COL5A2: variants seen among roughly 807,000 people sequenced by gnomAD.
The protein encoded by COL5A2 is collagen type V alpha 2 chain.
COL5A2 carries 23 observed loss-of-function variants against 208.2 expected under a neutral mutation model. The ratio of observed to expected loss-of-function variants is 0.11; its 90% CI spans 0.08 to 0.16. COL5A2 has a LOEUF of 0.16. COL5A2 is among the 10% of genes least tolerant of loss of function. COL5A2 has a pLI of 1.00. For synonymous variants in COL5A2, 625 were observed against 628.5 expected (o/e 0.99, Z 0.08); for missense variants, 1,590 against 1,956.4 (o/e 0.81, Z 3.53).
chr2:189,253,013 T>C, the COL5A2 span, among the ~76,000 whole-genome samples: 20 of 152,130 alleles, frequency 1.3e-4, 1 homozygote, highest in Middle Eastern at 0.017. Context: ...AACCAAGAAG[T>C]GTTATGATCA....
chr2:189,061,622 T>C lies in COL5A2; in HGVS notation c.1978-7A>G, dbSNP rs1304635335. Reference sequence around the variant, plus strand: ...CTCTTTCACCAGCTAGACCCTAAGTTGTGAAGGAGAAAATAATTGTGAATA... The same window carrying C: ...CTCTTTCACCAGCTAGACCCTAAGTCGTGAAGGAGAAAATAATTGTGAATA... On this transcript the variant is annotated splice_region_variant and splice_polypyrimidine_tract_variant and intron_variant, in intron 29 of 53. Coordinates refer to ENST00000374866, the MANE Select transcript of COL5A2 (RefSeq NM_000393.5). The C allele has an allele frequency of 1.9e-6, 3 of 1,610,480 alleles. No homozygotes were observed. Among genetic ancestry groups the C allele is most frequent in the Non-Finnish European group, 2.5e-6 (3 of 1,176,848 alleles).
chr2:189,299,721 G>A, the COL5A2 span, among the ~76,000 whole-genome samples: 1 of 152,122 alleles, frequency 6.6e-6, no homozygotes, highest in Admixed American at 6.6e-5. Context: ...TGTTGGAGGA[G>A]AACAATCGAT....
At chr2:189,324,609 CA>C in the COL5A2 span, among the ~76,000 whole-genome samples, 129,846 of 152,128 alleles carry the variant, frequency 0.85, 56,583 homozygotes, top group Non-Finnish European at 0.95. Flanking sequence ...ATCTAAACCA[CA>C]AATGAGATAT....
chr2:189,078,355 T>C lies in COL5A2; in HGVS notation c.1059+161A>G, dbSNP rs78633171. ...TTCAAGAATTCTCTGTACTTTCTTTTCAACTTTTCTGTAAACCTGACTTTA... is the reference window on the plus strand; with the variant it reads ...TTCAAGAATTCTCTGTACTTTCTTTCCAACTTTTCTGTAAACCTGACTTTA... On this transcript the variant is annotated intron_variant, in intron 16 of 53. Transcript: ENST00000374866. 1.4e-3 allele frequency among the ~76,000 whole-genome samples: 214 copies of C among 150,938 alleles called. 1 individual carries two copies. The highest frequency in any genetic ancestry group is 5.0e-3 in the African/African-American group (206 of 40,976).
intron 1 of COL5A2, among the ~76,000 whole-genome samples, chr2:189,136,816 G>A (rs1687836582): frequency 6.6e-6 from 1 of 151,950 alleles, no homozygotes; most frequent in Non-Finnish European, 1.5e-5. Context: ...CTTGCCACAA[G>A]TACATTGTCT....
chr2:189,279,002 A>T, the COL5A2 span, among the ~76,000 whole-genome samples: 129,813 of 151,878 alleles, frequency 0.85, 56,584 homozygotes, highest in Non-Finnish European at 0.95. Context: ...TTAAATTACT[A>T]TTATCTGTTT....
the COL5A2 span, among the ~76,000 whole-genome samples, chr2:189,238,636 G>C: frequency 6.6e-6 from 1 of 152,088 alleles, no homozygotes; most frequent in Non-Finnish European, 1.5e-5. Context: ...GGAAGCCTCA[G>C]GAAACTTACA....
chr2:189,375,630 T>G, the COL5A2 span, among the ~76,000 whole-genome samples: 1 of 152,212 alleles, frequency 6.6e-6, no homozygotes, highest in Non-Finnish European at 1.5e-5. Flanking sequence ...ATTATCTATC[T>G]TTAGAGTACA....
At position 189,085,169 on chromosome 2, in the gene COL5A2, A is replaced by G; in HGVS notation, c.789T>C (p.Pro263=). 6.2e-7 allele frequency: 1 copy of G among 1,612,256 alleles called. No homozygotes were observed. The highest frequency in any genetic ancestry group is 8.5e-7 in the Non-Finnish European group (1 of 1,178,952). ...SRGPEGPPGK[P]GEDGEPGRNG... is the part of the protein sequence containing the mutation. Reference sequence around the variant, plus strand: ...AGGAAAGGTAGCTTACATCTTCCCCAGGTTTACCAGGAGGGCCCTCTGGTC... The same window carrying G: ...AGGAAAGGTAGCTTACATCTTCCCCGGGTTTACCAGGAGGGCCCTCTGGTC... The change falls in exon 11 of 54, where the codon CCT becomes CCC. Residue 263 remains proline (P), a synonymous_variant. Coordinates refer to ENST00000374866, the MANE Select transcript of COL5A2 (RefSeq NM_000393.5).
At chr2:189,214,670 G>A (rs1314585420) in intron 1 of COL5A2, among the ~76,000 whole-genome samples, 1 of 152,114 alleles carries the variant, frequency 6.6e-6, no homozygotes. Flanking sequence ...GAAAAAGGGA[G>A]AGCAGTAGGA....
intron 21 of COL5A2, 97 bp downstream of exon 21, chr2:189,067,918 G>A (rs531474117): frequency 2.4e-5 from 25 of 1,022,380 alleles, no homozygotes; most frequent in South Asian, 4.0e-5. Context: ...GATAAGTCAC[G>A]TTATCTATGT....
intron 15 of COL5A2, among the ~76,000 whole-genome samples, chr2:189,078,828 A>G (rs1348081159): frequency 6.6e-6 from 1 of 152,198 alleles, no homozygotes; most frequent in Non-Finnish European, 1.5e-5. Flanking sequence ...TGAGTATAGA[A>G]AAAGAATAAG....
chr2:189,329,119 T>C, the COL5A2 span, among the ~76,000 whole-genome samples: 1 of 152,156 alleles, frequency 6.6e-6, no homozygotes, highest in Admixed American at 6.5e-5. Flanking sequence ...GTGGGATATA[T>C]ACATGATAAA....
At chr2:189,331,830 G>T in the COL5A2 span, among the ~76,000 whole-genome samples, 1 of 151,830 alleles carries the variant, frequency 6.6e-6, no homozygotes, top group African/African-American at 2.4e-5. Context: ...GGCACCTGTA[G>T]TCCCAGCTAC....
chr2:189,150,753 C>T (rs189033758), intron 1 of COL5A2, among the ~76,000 whole-genome samples: 28 of 152,148 alleles, frequency 1.8e-4, no homozygotes, highest in African/African-American at 6.5e-4. Context: ...TCTTTGGTTC[C>T]TCAAACACTA....
At chr2:189,340,745 G>A in the COL5A2 span, among the ~76,000 whole-genome samples, 2 of 152,078 alleles carry the variant, frequency 1.3e-5, no homozygotes, top group African/African-American at 2.4e-5. Flanking sequence ...ACCTCTCCTG[G>A]GTTTCTGAAG....
the COL5A2 span, among the ~76,000 whole-genome samples, chr2:189,401,167 C>T: frequency 6.6e-6 from 1 of 152,132 alleles, no homozygotes; most frequent in Non-Finnish European, 1.5e-5. Context: ...AGATATTAAG[C>T]CCAGCATCCA....
chr2:189,176,855 C>CT (rs1420459232), intron 1 of COL5A2, among the ~76,000 whole-genome samples: 5 of 152,110 alleles, frequency 3.3e-5, no homozygotes, highest in South Asian at 2.1e-4. Flanking sequence ...TTAGTTTTAA[C>CT]TAAAGTCAGC....
At chr2:189,151,835 T>C (rs1359247767) in intron 1 of COL5A2, among the ~76,000 whole-genome samples, 2 of 152,178 alleles carry the variant, frequency 1.3e-5, no homozygotes, top group Non-Finnish European at 2.9e-5. Context: ...AGTAAGAAAT[T>C]ATATACAAGC....
Sources: gnomAD v4.1 joint callset for allele counts (sites outside exome capture counted in the v4.1 genomes callset) on GRCh38, gnomAD v4.1.1 for gene constraint, MANE v1.5 for transcripts, NCBI Gene and HGNC (gene_info 2026-07-23, HGNC 2026-07-21) for gene names.